Variants in QRICH1 observed in about 807,000 individuals in gnomAD.
QRICH1 encodes transcriptional regulator QRICH1.
Under a neutral mutation model 87.1 loss-of-function variants are expected in QRICH1, and 16 were observed. The observed-to-expected ratio is 0.18, with a 90% confidence interval of 0.12 to 0.28. The LOEUF is 0.28. Among genes scored for constraint, QRICH1 ranks in the 10% least tolerant of loss-of-function variants. The pLI is 1.00. For missense variants in QRICH1, 647 were observed against 951.7 expected, an observed-to-expected ratio of 0.68 and a Z score of 4.21; for synonymous variants, 367 against 368.4, an observed-to-expected ratio of 1.00 and a Z score of 0.05.
intron 2 of QRICH1, among the ~76,000 whole-genome samples, chr3:49,075,832 C>A (rs2106977652): frequency 6.6e-6 from 1 of 152,200 alleles, no homozygotes; most frequent in East Asian, 1.9e-4. Flanking sequence ...GTCCCAGCTA[C>A]TCAGGAGTCT....
In QRICH1 at chr3:49,039,987, A is replaced by C. The variant is rs148609997; in HGVS notation, c.1786+4403T>G. ...GAGGCACGAGAATCACTTGAACCCCAGAGGCGGAGGTTGAAGTCAGCCGAG... is the reference window on the plus strand; with the variant it reads ...GAGGCACGAGAATCACTTGAACCCCCGAGGCGGAGGTTGAAGTCAGCCGAG... On this transcript the variant is annotated intron_variant, in intron 6 of 9. Coordinates refer to ENST00000395443, the MANE Select transcript of QRICH1 (RefSeq NM_198880.3). Among the ~76,000 whole-genome samples, 1,417 of 150,642 alleles carry C rather than the reference A, an allele frequency of 9.4e-3. 41 individuals carry two copies. Among genetic ancestry groups the C allele is most frequent in the Admixed American group, 0.063 (948 of 15,092 alleles).
At chr3:49,073,315 TG>T (rs1249725507) in intron 2 of QRICH1, among the ~76,000 whole-genome samples, 1 of 152,024 alleles carries the variant, frequency 6.6e-6, no homozygotes, top group Non-Finnish European at 1.5e-5. Flanking sequence ...CCAAGGCCGG[TG>T]GATCACCTGA....
chr3:49,060,951 T>C (rs1002607978), intron 2 of QRICH1, among the ~76,000 whole-genome samples: 6 of 151,134 alleles, frequency 4.0e-5, no homozygotes, highest in Non-Finnish European at 8.9e-5. Flanking sequence ...GCCAACATGG[T>C]GAAACCCCAC....
Position 49,032,624 on chromosome 3 carries a change from T to C in QRICH1, c.2045A>G (p.Lys682Arg). The C allele has an allele frequency of 6.3e-7, 1 of 1,577,958 alleles. No individual in the cohort carries two copies. ...KALGIHQTGQKVTDDMYAEQT... is the reference protein window; with the variant it reads ...KALGIHQTGQRVTDDMYAEQT... ...CCATCCCTGCCTCCTTTCCCTACCT[T>C]TCTGGCCAGTCTGGTGTATTCCAAG... is the stretch of plus-strand genomic sequence containing the variant. Residue 682 changes from lysine (K) to arginine (R), a missense_variant and splice_region_variant, in exon 8 of 10, where the codon AAA (lysine) becomes AGA (arginine). This residue lies in a region of QRICH1 where 187 missense variants were observed against 309.5 expected (regional missense o/e 0.60). Coordinates refer to ENST00000395443, the MANE Select transcript of QRICH1 (RefSeq NM_198880.3).
chr3:49,094,215 G>A (rs1466753333), upstream of QRICH1: 1 of 386,772 alleles, frequency 2.6e-6, no homozygotes, highest in African/African-American at 2.1e-5. Flanking sequence ...TGGATCCTAG[G>A]GTATGGAGCG....
At chr3:49,039,681 G>C (rs887902301) in intron 6 of QRICH1, among the ~76,000 whole-genome samples, 1 of 149,970 alleles carries the variant, frequency 6.7e-6, no homozygotes, top group Non-Finnish European at 1.5e-5. Context: ...TCCAATACAG[G>C]AGAGGGGAAA....
intron 1 of QRICH1, among the ~76,000 whole-genome samples, chr3:49,088,615 T>C (rs1439940915): frequency 2.7e-5 from 4 of 148,204 alleles, no homozygotes; most frequent in Non-Finnish European, 6.0e-5. Flanking sequence ...CAGGCTTTTG[T>C]CTGTTTTTTT....
rs1309902846 is a variant in QRICH1, at chr3:49,030,232, G to A, written c.*220C>T. 3.6e-6 allele frequency: 2 copies of A among 557,792 alleles called. No individual in the cohort carries two copies. The highest frequency in any genetic ancestry group is 2.4e-5 in the South Asian group (1 of 41,918). 34.6% of individuals were successfully genotyped at this position (557,792 alleles called of 1,614,324 possible). A position where few individuals can be genotyped will look rare whatever the true frequency, so the allele number is the denominator to read the frequency against. Reference sequence around the variant, plus strand: ...CTTTCTAGGACATATGACACTCAAGGAAACCCAGAGCCACCATCGGCTGAG... The same window carrying A: ...CTTTCTAGGACATATGACACTCAAGAAAACCCAGAGCCACCATCGGCTGAG... On this transcript the variant is annotated 3_prime_UTR_variant, in exon 10 of 10. Transcript: ENST00000395443.
At chr3:49,093,646 G>A (rs1020829014) in intron 1 of QRICH1, 2 of 168,100 alleles carry the variant, frequency 1.2e-5, no homozygotes, top group Non-Finnish European at 1.3e-5. Flanking sequence ...GAGCCGCACA[G>A]CGCGCGCGCG....
chr3:49,046,481 C>T lies in QRICH1; in HGVS notation c.1615G>A (p.Glu539Lys), dbSNP rs373436425. 12 of 1,614,058 alleles carry T rather than the reference C, an allele frequency of 7.4e-6. No homozygotes were observed. Among genetic ancestry groups the T allele is most frequent in the African/African-American group, 2.7e-5 (2 of 74,924 alleles). Residue 539 changes from glutamate to lysine, a missense_variant, in exon 5 of 10, where the codon GAA (glutamate) becomes AAA (lysine). Transcript: ENST00000395443. ...ACATCTGGGTCATAGGGTTCACCTT[C>T]TCCATTTCGAGCTTCCCGTGTCATT... ...CLMTREARNG[E>K]GEPYDPDVLY...
intron 1 of QRICH1, 50 bp downstream of exon 1, chr3:49,093,862 G>A (rs2042329463): frequency 8.8e-6 from 1 of 113,712 alleles, no homozygotes; most frequent in Non-Finnish European, 1.8e-5. Context: ...TGGGCCCCCC[G>A]TCTCAGGCCT....
In QRICH1 at chr3:49,030,089, C is replaced by T. The variant is rs2093225148; in HGVS notation, c.*363G>A. The T allele has an allele frequency of 2.9e-6, 1 of 346,524 alleles. No individual in the cohort carries two copies. The highest frequency in any genetic ancestry group is 5.2e-6 in the Non-Finnish European group (1 of 193,084). The allele number at this position is 346,524 out of a possible 1,614,324, so 21.5% of individuals were successfully genotyped here. ...CCAGTGGAAGTCGGCTGGGGAGATT[C>T]CCTCCAGGGTCCATCCATCATTAAT... is the stretch of plus-strand genomic sequence containing the variant. On this transcript the variant is annotated 3_prime_UTR_variant, in exon 10 of 10. Coordinates refer to ENST00000395443, the MANE Select transcript of QRICH1 (RefSeq NM_198880.3).
At chr3:49,046,650 GCC>G (rs1256094488) in intron 4 of QRICH1, 71 bp from the exon 5 acceptor site, 1 of 1,504,076 alleles carries the variant, frequency 6.6e-7, no homozygotes, top group African/African-American at 1.4e-5. Context: ...AACAGATACT[GCC>G]CATCAGGGTG....
At chr3:49,040,008 C>T (rs1183736643) in intron 6 of QRICH1, among the ~76,000 whole-genome samples, 3 of 152,156 alleles carry the variant, frequency 2.0e-5, no homozygotes, top group Admixed American at 6.6e-5. Context: ...TTGAAGTCAG[C>T]CGAGATCATA....
chr3:49,058,749 C>A (rs1575350606), intron 2 of QRICH1, among the ~76,000 whole-genome samples: 2 of 152,054 alleles, frequency 1.3e-5, no homozygotes, highest in East Asian at 3.9e-4. Context: ...TTGCCTCAGC[C>A]TCCTGAGTAG....
At chr3:49,032,599 C>T (rs2106811585) in intron 8 of QRICH1, 23 bp downstream of exon 8, 1 of 1,543,972 alleles carries the variant, frequency 6.5e-7, no homozygotes, top group Non-Finnish European at 8.7e-7. Flanking sequence ...CCTGTTTTTG[C>T]CATCCCTGCC....
intron 1 of QRICH1, among the ~76,000 whole-genome samples, chr3:49,087,496 G>A (rs752884410): frequency 4.0e-5 from 6 of 151,142 alleles, no homozygotes; most frequent in African/African-American, 7.3e-5. Flanking sequence ...AGTGAGCCAC[G>A]ATCGCACCAC....
intron 1 of QRICH1, among the ~76,000 whole-genome samples, chr3:49,085,869 C>T (rs1246084080): frequency 6.6e-6 from 1 of 151,752 alleles, no homozygotes; most frequent in African/African-American, 2.4e-5. Flanking sequence ...GTTGAGCCTT[C>T]GTAATAAAGA....
intron 2 of QRICH1, among the ~76,000 whole-genome samples, chr3:49,073,091 C>A (rs1053731667): frequency 5.9e-5 from 9 of 151,944 alleles, no homozygotes; most frequent in African/African-American, 2.2e-4. Flanking sequence ...TCTCACCAGG[C>A]ACACCTCTCC....
Sources: gnomAD v4.1 joint callset for allele counts (sites outside exome capture counted in the v4.1 genomes callset) on GRCh38, gnomAD v4.1.1 for gene constraint, gnomAD v4.1.1 regional missense constraint, MANE v1.5 for transcripts, NCBI Gene and HGNC (gene_info 2026-07-23, HGNC 2026-07-21) for gene names.